Variants in PPT1 observed in about 807,000 individuals in gnomAD.
PPT1 encodes the protein ceroid-palmitoyl-palmitoyl-protein thioesterase 1.
In PPT1, 24 loss-of-function variants were observed where a neutral mutation model predicts 44.0. That is an observed-to-expected ratio of 0.54 (90% CI 0.39 to 0.77). PPT1 has a LOEUF of 0.77. PPT1 is among the 30% of genes least tolerant of loss of function. The pLI, the probability that PPT1 is intolerant of heterozygous loss-of-function variation, is 0.00. For synonymous variants in PPT1, 148 were observed against 140.2 expected, an observed-to-expected ratio of 1.06 and a Z score of -0.39; for missense variants, 341 against 378.8, an observed-to-expected ratio of 0.90 and a Z score of 0.83.
intron 6 of PPT1, among the ~76,000 whole-genome samples, chr1:40,079,625 A>ACCT (rs1433515951): frequency 6.6e-6 from 1 of 151,970 alleles, no homozygotes; most frequent in East Asian, 1.9e-4. Flanking sequence ...CGAACTCCTG[A>ACCT]CCTCAAGTGA....
chr1:40,090,051 T>G (rs3131650), intron 4 of PPT1, among the ~76,000 whole-genome samples: 98,624 of 152,032 alleles, frequency 0.65, 32,875 homozygotes, highest in Non-Finnish European at 0.73. Context: ...GACAATAAGG[T>G]ATAAGCCAGG....
intron 5 of PPT1, 127 bp downstream of exon 5, chr1:40,089,283 T>A (rs1036481467): frequency 1.3e-4 from 25 of 188,704 alleles, no homozygotes; most frequent in East Asian, 4.6e-4. Flanking sequence ...CGAAACTCCA[T>A]CTCAAAAAAA....
chr1:40,077,855 G>A (rs1337581991), intron 7 of PPT1, among the ~76,000 whole-genome samples: 4 of 152,220 alleles, frequency 2.6e-5, no homozygotes, highest in Non-Finnish European at 5.9e-5. Flanking sequence ...GATCAAGAGT[G>A]TATGAAGCGT....
intron 1 of PPT1, 109 bp downstream of exon 1, chr1:40,097,006 C>T (rs1649891864): frequency 3.2e-6 from 5 of 1,586,308 alleles, no homozygotes; most frequent in African/African-American, 1.3e-5. Flanking sequence ...GAGGCAGCCG[C>T]GTGCTGTGGG....
intron 8 of PPT1, among the ~76,000 whole-genome samples, chr1:40,074,503 G>A (rs569135155): frequency 6.8e-5 from 9 of 132,106 alleles, no homozygotes; most frequent in Admixed American, 1.9e-4. Context: ...AGTCTTGCTC[G>A]GTTGCTTAGG....
intron 1 of PPT1, among the ~76,000 whole-genome samples, chr1:40,095,882 C>T (rs370717140): frequency 2.0e-5 from 3 of 152,178 alleles, no homozygotes; most frequent in Non-Finnish European, 2.9e-5. Context: ...CACTCATCTG[C>T]TCAAAAAGTT....
In PPT1 at chr1:40,074,005, C is replaced by T; in HGVS notation, c.*56G>A. On this transcript the variant is annotated 3_prime_UTR_variant, in exon 9 of 9. Coordinates refer to ENST00000642050, the MANE Select transcript of PPT1 (RefSeq NM_000310.4). ...CTTGGGCATGAAGGAAACTGTCTCC[C>T]ATGTGGTTTGGAAGAGTTAGGGGCT... is the stretch of plus-strand genomic sequence containing the variant. 1 of 1,610,054 alleles carries T rather than the reference C, an allele frequency of 6.2e-7. No individual in the cohort carries two copies.
chr1:40,080,929 C>G (rs1348942224), intron 5 of PPT1, among the ~76,000 whole-genome samples: 1 of 152,142 alleles, frequency 6.6e-6, no homozygotes, highest in Non-Finnish European at 1.5e-5. Flanking sequence ...CCCTTTAATA[C>G]AGAAGACAAG....
chr1:40,074,154 A>C lies in PPT1; in HGVS notation c.828T>G (p.Asn276Lys). Residue 276 changes from asparagine (N) to lysine (K), a missense_variant, in exon 9 of 9, where the codon AAT (asparagine) becomes AAG (lysine). By Grantham distance (94) the Asn-to-Lys change is moderately conservative (BLOSUM62 0). Coordinates refer to ENST00000642050, the MANE Select transcript of PPT1 (RefSeq NM_000310.4). The part of the protein sequence containing the change: ...QDRLGLKEMD[N>K]AGQLVFLATE... ...TAGCCAGAAACACTAGCTGTCCTGC[A>C]TTGTCCATTTCCTTTAGCCCCAGGC... is the stretch of plus-strand genomic sequence containing the variant. 2 of 1,614,218 alleles carry C rather than the reference A, an allele frequency of 1.2e-6. No individual in the cohort carries two copies. The highest frequency in any genetic ancestry group is 1.7e-6 in the Non-Finnish European group (2 of 1,180,022).
In PPT1 at chr1:40,074,469, TTC is replaced by T. The variant is rs540995323; in HGVS notation, c.799-288_799-287del. On this transcript the variant is annotated intron_variant, in intron 8 of 8. Transcript: ENST00000642050. ...TTCCTCTCTCTCTCTCTGTCTCTCT[TTC>T]TCTTTCTTTCTTTCAAGACGGAGTC... Among the ~76,000 whole-genome samples, 344 of 134,716 alleles carry T rather than the reference TTC, an allele frequency of 2.6e-3. 1 individual carries two copies. The highest frequency in any genetic ancestry group is 9.4e-3 in the African/African-American group (328 of 34,866). 88.4% of individuals were successfully genotyped at this position (134,716 alleles called of 152,430 possible).
intron 5 of PPT1, 113 bp downstream of exon 5, chr1:40,089,297 A>AAAAAAAAAAAAAAAAT (rs1649428086): frequency 1.6e-6 from 1 of 616,446 alleles, no homozygotes; most frequent in Non-Finnish European, 2.9e-6. Context: ...AAAAAAAAAG[A>AAAAAAAAAAAAAAAAT]TCTCATTTGA....
At chr1:40,076,682 T>G in intron 8 of PPT1, 160 bp downstream of exon 8, 1 of 1,495,518 alleles carries the variant, frequency 6.7e-7, no homozygotes, top group Non-Finnish European at 8.9e-7. Flanking sequence ...ATCAAGAGCC[T>G]AACAAGCTTC....
chr1:40,081,562 AT>A (rs1207059299), intron 5 of PPT1, among the ~76,000 whole-genome samples: 1 of 91,514 alleles, frequency 1.1e-5, no homozygotes, highest in Non-Finnish European at 2.3e-5. Flanking sequence ...AAATAAATAA[AT>A]AAATAGAAAA....
chr1:40,072,162 C>G (rs1262344541), downstream of PPT1: 1 of 398,774 alleles, frequency 2.5e-6, no homozygotes, highest in Non-Finnish European at 4.4e-6. Flanking sequence ...TGTAGCAGTG[C>G]CCTTCATCCA....
chr1:40,091,920 A>G (rs1649585651), intron 3 of PPT1, 125 bp downstream of exon 3: 2 of 1,242,340 alleles, frequency 1.6e-6, no homozygotes, highest in Non-Finnish European at 2.3e-6. Flanking sequence ...TTACACAGGA[A>G]CATTTTAGGA....
intron 3 of PPT1, among the ~76,000 whole-genome samples, chr1:40,091,824 C>T (rs1298051742): frequency 6.7e-6 from 1 of 149,640 alleles, no homozygotes; most frequent in Non-Finnish European, 1.5e-5. Flanking sequence ...GAGATCGCGC[C>T]ACTGCACTCC....
chr1:40,089,383 G>A (rs1649432120), intron 5 of PPT1, 27 bp downstream of exon 5: 5 of 1,573,110 alleles, frequency 3.2e-6, no homozygotes, highest in South Asian at 1.1e-5. Context: ...TGACAGGTCT[G>A]TAATCTTTTC....
chr1:40,084,593 G>C (rs374027407), intron 5 of PPT1, among the ~76,000 whole-genome samples: 12 of 152,308 alleles, frequency 7.9e-5, no homozygotes, highest in East Asian at 5.8e-4. Flanking sequence ...GGCCACCCAG[G>C]TGCCGAGGCA....
In PPT1 at chr1:40,076,846, G is replaced by C. The variant is rs746139685; in HGVS notation, c.794C>G (p.Thr265Arg). 6.2e-7 allele frequency: 1 copy of C among 1,614,142 alleles called. No individual in the cohort carries two copies. The highest frequency in any genetic ancestry group is 8.5e-7 in the Non-Finnish European group (1 of 1,179,986). Reference protein sequence around the residue: ...TIPLQETSLYTQDRLGLKEMD... With the variant: ...TIPLQETSLYRQDRLGLKEMD... ...GATAGACTCCCTGCCAGTTACCTGT[G>C]TGTACAGGGAGGTCTCCTGTAAGGG... The change falls in exon 8 of 9, where the codon ACA becomes AGA. Residue 265 changes from threonine (T) to arginine (R), a missense_variant. Coordinates refer to ENST00000642050, the MANE Select transcript of PPT1 (RefSeq NM_000310.4).
Sources: allele counts gnomAD v4.1 joint callset (sites outside exome capture counted in the v4.1 genomes callset), GRCh38; gene constraint gnomAD v4.1.1; transcripts MANE v1.5; gene names NCBI Gene and HGNC (gene_info 2026-07-23, HGNC 2026-07-21).